CSMD3: variants seen among roughly 807,000 people sequenced by gnomAD.
The protein encoded by CSMD3 is CUB and sushi domain-containing protein 3.
A neutral mutation model predicts 435.2 loss-of-function variants in CSMD3; 177 were observed. The ratio of observed to expected loss-of-function variants is 0.41; its 90% CI spans 0.36 to 0.46. The LOEUF is 0.46. Among genes scored for constraint, CSMD3 ranks in the 20% least tolerant of loss-of-function variants. CSMD3 has a pLI of 0.34. For synonymous variants in CSMD3, 1,656 were observed against 1,520.5 expected (o/e 1.09, Z -2.07); for missense variants, 4,265 against 4,504.6 (o/e 0.95, Z 1.52).
intron 3 of CSMD3, among the ~76,000 whole-genome samples, chr8:113,197,501 T>C (rs1186266772): frequency 6.6e-6 from 1 of 151,140 alleles, no homozygotes; most frequent in Non-Finnish European, 1.5e-5. Flanking sequence ...AAAAGTTAGT[T>C]TGGTTATTAT....
chr8:113,311,728 A>G (rs2093870749), intron 2 of CSMD3: 1 of 152,096 alleles, frequency 6.6e-6, no homozygotes, highest in African/African-American at 2.4e-5. Flanking sequence ...TTACATACTA[A>G]TTTTTTTCTT....
chr8:112,391,149 T>G (rs1830377586), intron 35 of CSMD3, among the ~76,000 whole-genome samples: 1 of 152,186 alleles, frequency 6.6e-6, no homozygotes. Context: ...TATTTGGTAC[T>G]TTCTCCTTCA....
chr8:112,324,586 T>G (rs1038971494), intron 45 of CSMD3, among the ~76,000 whole-genome samples: 1 of 151,446 alleles, frequency 6.6e-6, no homozygotes, highest in African/African-American at 2.4e-5. Flanking sequence ...TGTGTGGGTG[T>G]GTGTGTGTGT....
At chr8:112,768,151 G>A (rs1428823060) in intron 13 of CSMD3, among the ~76,000 whole-genome samples, 2 of 151,168 alleles carry the variant, frequency 1.3e-5, no homozygotes, top group Non-Finnish European at 3.0e-5. Flanking sequence ...ACATAAATAT[G>A]CATAATATAA....
At chr8:112,427,451 T>C (rs920220621) in intron 32 of CSMD3, among the ~76,000 whole-genome samples, 1 of 152,104 alleles carries the variant, frequency 6.6e-6, no homozygotes, top group Non-Finnish European at 1.5e-5. Flanking sequence ...ACTGCATTTC[T>C]CCTATGCTGC....
intron 1 of CSMD3, among the ~76,000 whole-genome samples, chr8:113,364,476 T>C (rs555845289): frequency 6.6e-6 from 1 of 152,226 alleles, no homozygotes; most frequent in Non-Finnish European, 1.5e-5. Flanking sequence ...CTAAAACATG[T>C]ACTTCGATTT....
Position 112,254,242 on chromosome 8 carries a change from A to G in CSMD3, c.10110+11T>C, listed in dbSNP as rs1202198991. ...AGTATGATGCTAAATGGACATAGCT[A>G]AAGTACCCACTTGAAATCCGAATGT... On this transcript the variant is annotated intron_variant, in intron 63 of 70. Transcript: ENST00000297405. The G allele has an allele frequency of 6.9e-6, 11 of 1,601,452 alleles. No individual in the cohort carries two copies. Among genetic ancestry groups the G allele is most frequent in the Non-Finnish European group, 8.6e-6 (10 of 1,168,886 alleles).
intron 10 of CSMD3, among the ~76,000 whole-genome samples, chr8:112,911,463 C>T (rs575133671): frequency 6.6e-6 from 1 of 151,870 alleles, no homozygotes; most frequent in East Asian, 1.9e-4. Context: ...TTATAGTCAT[C>T]AGGCTCAACT....
intron 3 of CSMD3, among the ~76,000 whole-genome samples, chr8:113,245,268 T>C (rs1170324544): frequency 6.6e-6 from 1 of 152,128 alleles, no homozygotes; most frequent in African/African-American, 2.4e-5. Flanking sequence ...TCAATGTAAG[T>C]ACCTATTAGT....
chr8:113,416,891 T>C (rs2094584147), intron 1 of CSMD3, among the ~76,000 whole-genome samples: 2 of 152,204 alleles, frequency 1.3e-5, no homozygotes, highest in Admixed American at 6.5e-5. Context: ...CGTCATAAAC[T>C]GACATAGATA....
chr8:112,243,423 G>T (rs1016111986), intron 65 of CSMD3, among the ~76,000 whole-genome samples: 1 of 151,968 alleles, frequency 6.6e-6, no homozygotes, highest in African/African-American at 2.4e-5. Flanking sequence ...ACTAGAAAAA[G>T]TTCCTTTACT....
chr8:112,569,477 A>G (rs966673132), intron 24 of CSMD3, among the ~76,000 whole-genome samples: 5 of 152,222 alleles, frequency 3.3e-5, no homozygotes, highest in African/African-American at 9.6e-5. Context: ...TAGCAATTAC[A>G]TAATAAATGG....
intron 30 of CSMD3, among the ~76,000 whole-genome samples, chr8:112,502,286 C>T (rs1822046796): frequency 6.6e-6 from 1 of 152,146 alleles, no homozygotes. Context: ...GCAGAAAACC[C>T]CAATAAACAG....
intron 3 of CSMD3, among the ~76,000 whole-genome samples, chr8:113,211,190 G>T (rs1017583647): frequency 2.0e-5 from 3 of 152,190 alleles, no homozygotes; most frequent in African/African-American, 7.2e-5. Flanking sequence ...TTTTTATTGA[G>T]AAATTTATTT....
chr8:113,412,691 A>T (rs1013864639), intron 1 of CSMD3, among the ~76,000 whole-genome samples: 2 of 152,110 alleles, frequency 1.3e-5, no homozygotes, highest in Non-Finnish European at 2.9e-5. Context: ...TATTGTATCA[A>T]TCTCCATACC....
chr8:112,479,305 A>G (rs1021985317), intron 31 of CSMD3, among the ~76,000 whole-genome samples: 1 of 152,196 alleles, frequency 6.6e-6, no homozygotes, highest in Non-Finnish European at 1.5e-5. Context: ...TAGAGTGTAA[A>G]CGTTTGAAAA....
chr8:113,219,682 TAAAGC>T (rs1306158076), intron 3 of CSMD3, among the ~76,000 whole-genome samples: 2 of 151,422 alleles, frequency 1.3e-5, no homozygotes, highest in African/African-American at 4.8e-5. Context: ...ACATAAAATG[TAAAGC>T]TATATAATAA....
chr8:113,340,933 T>C (rs1246608640), intron 1 of CSMD3, among the ~76,000 whole-genome samples: 1 of 152,088 alleles, frequency 6.6e-6, no homozygotes, highest in Non-Finnish European at 1.5e-5. Flanking sequence ...TTGACCTGTA[T>C]TGCTTTATCT....
chr8:113,352,158 A>T (rs760386327), intron 1 of CSMD3, among the ~76,000 whole-genome samples: 2 of 152,112 alleles, frequency 1.3e-5, no homozygotes, highest in Non-Finnish European at 2.9e-5. Context: ...CCAAAAGGTA[A>T]CCTTATTTGG....
Sources: gnomAD v4.1 joint callset for allele counts (sites outside exome capture counted in the v4.1 genomes callset) on GRCh38, gnomAD v4.1.1 for gene constraint, MANE v1.5 for transcripts, NCBI Gene and HGNC (gene_info 2026-07-23, HGNC 2026-07-21) for gene names.